Variants in PCDHGA2 observed in about 807,000 individuals in gnomAD.
The protein encoded by PCDHGA2 is protocadherin gamma subfamily A, 2, also known as protocadherin gamma-A2.
A neutral mutation model predicts 59.2 loss-of-function variants in PCDHGA2; 40 were observed. The ratio of observed to expected loss-of-function variants is 0.68; its 90% CI spans 0.52 to 0.88. PCDHGA2 has a LOEUF of 0.88. Ranked by LOEUF, PCDHGA2 falls within the 40% of genes least tolerant of loss-of-function variation. The pLI is 0.00. For missense variants in PCDHGA2, 1,226 were observed against 1,204.0 expected, an observed-to-expected ratio of 1.02 and a Z score of -0.27; for synonymous variants, 560 against 526.0, an observed-to-expected ratio of 1.06 and a Z score of -0.89.
chr5:141,482,591 A>G lies in PCDHGA2; in HGVS notation c.2425-12216A>G, dbSNP rs115650612. Among the ~76,000 whole-genome samples the G allele has an allele frequency of 6.3e-4, 95 of 151,838 alleles. 1 individual carries two copies. The highest frequency in any genetic ancestry group is 2.3e-3 in the African/African-American group (95 of 41,350). On this transcript the variant is annotated intron_variant, in intron 1 of 3. Coordinates refer to ENST00000394576, the MANE Select transcript of PCDHGA2 (RefSeq NM_018915.4). ...ATAGCATAAGATGCAGTGGGACCAA[A>G]CGGGAAAAAACACCTAAATGAGCCT...
rs1757088308 is a variant in PCDHGA2, at chr5:141,341,782, C to CT, written c.2424+391dup. ...TTTATGTTTACTCAAGTCCTTTCTTCTTTTAAGTTATGACTCTTACTCTAT... is the reference window on the plus strand; with the variant it reads ...TTTATGTTTACTCAAGTCCTTTCTTCTTTTTAAGTTATGACTCTTACTCTAT... On this transcript the variant is annotated intron_variant, in intron 1 of 3. Coordinates refer to ENST00000394576, the MANE Select transcript of PCDHGA2 (RefSeq NM_018915.4). The CT allele has an allele frequency of 2.9e-5, 10 of 339,116 alleles. No individual in the cohort carries two copies. The East Asian group carries it at 5.6e-4, about 19-fold the overall frequency. The allele number at this position is 339,116 out of a possible 1,614,324, so 21.0% of individuals were successfully genotyped here. A position where few individuals can be genotyped will look rare whatever the true frequency, so the allele number is the denominator to read the frequency against.
intron 1 of PCDHGA2, chr5:141,478,432 G>T (rs1238011675): frequency 6.2e-7 from 1 of 1,613,728 alleles, no homozygotes; most frequent in Admixed American, 1.7e-5. Context: ...GCGACCCGCT[G>T]CTGAAGAAAC....
At chr5:141,362,623 C>T in intron 1 of PCDHGA2, 1 of 1,521,620 alleles carries the variant, frequency 6.6e-7, no homozygotes, top group Non-Finnish European at 8.8e-7. Flanking sequence ...TAGGAAGTTC[C>T]ACTGCGTATT....
At position 141,415,074 on chromosome 5, in the gene PCDHGA2, G is replaced by C; in HGVS notation, c.2424+73679G>C. 3 of 1,613,448 alleles carry C rather than the reference G, an allele frequency of 1.9e-6. No homozygotes were observed. In the South Asian group the frequency reaches 3.3e-5, roughly 18 times the overall value. On this transcript the variant is annotated intron_variant, in intron 1 of 3. Coordinates refer to ENST00000394576, the MANE Select transcript of PCDHGA2 (RefSeq NM_018915.4). ...AGCACACGGGCGAGGTGCGCACGGCGCGAGCCCTGCTGGACAGAGACGCGC... is the reference window on the plus strand; with the variant it reads ...AGCACACGGGCGAGGTGCGCACGGCCCGAGCCCTGCTGGACAGAGACGCGC...
Position 141,431,872 on chromosome 5 carries a change from A to G in PCDHGA2, c.2425-62935A>G, listed in dbSNP as rs2097425104. 5 of 1,614,222 alleles carry G rather than the reference A, an allele frequency of 3.1e-6. No individual in the cohort carries two copies. The highest frequency in any genetic ancestry group is 4.2e-6 in the Non-Finnish European group (5 of 1,180,002). ...GGACATTAATTGCCCTTTTAAATGT[A>G]AATGACCAAGATTCTGAGGAAAACG... On this transcript the variant is annotated intron_variant, in intron 1 of 3. Transcript: ENST00000394576. The surrounding 1 kb of genome is among the most constrained non-coding windows in gnomAD (Gnocchi z 4.8).
intron 1 of PCDHGA2, among the ~76,000 whole-genome samples, chr5:141,437,573 G>A (rs923321760): frequency 1.3e-5 from 2 of 152,164 alleles, no homozygotes; most frequent in African/African-American, 4.8e-5. Flanking sequence ...GAGTATAGCT[G>A]TGATCATGAA....
chr5:141,477,582 A>G lies in PCDHGA2; in HGVS notation c.2425-17225A>G. On this transcript the variant is annotated intron_variant, in intron 1 of 3. Transcript: ENST00000394576. This position sits in a 1 kb window ranked among gnomAD's most constrained non-coding sequence, Gnocchi z 4.9. Reference sequence around the variant, plus strand: ...GTCTGGGACCCCGACGCCCCGCAGAATGCTCGGCTTTCTTTCTTTCTCTTG... The same window carrying G: ...GTCTGGGACCCCGACGCCCCGCAGAGTGCTCGGCTTTCTTTCTTTCTCTTG... The G allele has an allele frequency of 6.2e-7, 1 of 1,614,190 alleles. No homozygotes were observed.
intron 1 of PCDHGA2, among the ~76,000 whole-genome samples, chr5:141,438,705 G>A (rs555160868): frequency 2.0e-4 from 29 of 145,842 alleles, no homozygotes; most frequent in African/African-American, 7.1e-4. Flanking sequence ...CTGTCACCCA[G>A]GCTGGAGTGC....
intron 1 of PCDHGA2, among the ~76,000 whole-genome samples, chr5:141,434,384 G>T (rs980455943): frequency 2.6e-5 from 4 of 152,208 alleles, no homozygotes; most frequent in African/African-American, 4.8e-5. Context: ...CCCAAAACTG[G>T]CCATAAACAA....
At chr5:141,380,342 T>C (rs1288076589) in intron 1 of PCDHGA2, among the ~76,000 whole-genome samples, 1 of 152,198 alleles carries the variant, frequency 6.6e-6, no homozygotes, top group Admixed American at 6.5e-5. Context: ...CAAAGAACTG[T>C]TTTGTTGTTT....
At chr5:141,419,024 G>A (rs1423033793) in intron 1 of PCDHGA2, 2 of 1,613,874 alleles carry the variant, frequency 1.2e-6, no homozygotes, top group Admixed American at 1.7e-5. Flanking sequence ...CTTAAGTAGA[G>A]GTGTTCCATT....
intron 1 of PCDHGA2, chr5:141,372,002 C>T (rs1010544928): frequency 3.1e-6 from 5 of 1,613,170 alleles, no homozygotes; most frequent in Non-Finnish European, 4.2e-6. Context: ...AGGCCCGCGA[C>T]CAGGGCTCGC....
At chr5:141,351,202 T>A in intron 1 of PCDHGA2, 1 of 1,613,948 alleles carries the variant, frequency 6.2e-7, no homozygotes, top group Non-Finnish European at 8.5e-7. Flanking sequence ...ATGTGTTGAG[T>A]GTGGAAGCTA....
chr5:141,370,168 C>G (rs890245618), intron 1 of PCDHGA2: 7 of 458,078 alleles, frequency 1.5e-5, no homozygotes, highest in Non-Finnish European at 2.7e-5. Context: ...GCAGCAGAGG[C>G]GCCGGGTGCC....
chr5:141,376,977 G>T (rs529935042), intron 1 of PCDHGA2: 1 of 157,454 alleles, frequency 6.4e-6, no homozygotes, highest in Admixed American at 6.2e-5. Flanking sequence ...GTGAGCCACC[G>T]CGCCCGGCCG....
chr5:141,367,096 G>A (rs1364732092), intron 1 of PCDHGA2: 1 of 251,526 alleles, frequency 4.0e-6, no homozygotes, highest in East Asian at 1.1e-4. Flanking sequence ...TCTCTTTTGA[G>A]TGTCTGCCTA....
chr5:141,383,880 T>A, intron 1 of PCDHGA2: 2 of 1,613,994 alleles, frequency 1.2e-6, no homozygotes, highest in Non-Finnish European at 1.7e-6. Context: ...GTCCTGGTAG[T>A]CTGACAAAGG....
chr5:141,484,940 G>C, intron 1 of PCDHGA2: 1 of 541,138 alleles, frequency 1.8e-6, no homozygotes, highest in Non-Finnish European at 3.3e-6. Flanking sequence ...GACGTTCTCT[G>C]CTCAGCCTAT....
intron 1 of PCDHGA2, chr5:141,383,740 T>C: frequency 6.2e-7 from 1 of 1,614,008 alleles, no homozygotes. Context: ...GACATATTCT[T>C]TTCGGAAAAT....
Sources: gnomAD v4.1 joint callset for allele counts (sites outside exome capture counted in the v4.1 genomes callset) on GRCh38, gnomAD v4.1.1 for gene constraint, Gnocchi (gnomAD v3.1) non-coding constraint, MANE v1.5 for transcripts, NCBI Gene and HGNC (gene_info 2026-07-23, HGNC 2026-07-21) for gene names.